WRNIP1: variants seen among roughly 807,000 people sequenced by gnomAD.
The protein encoded by WRNIP1 is WRN helicase interacting protein 1.
In WRNIP1, 41 loss-of-function variants were observed where a neutral mutation model predicts 56.1. The observed-to-expected ratio is 0.73, with a 90% confidence interval of 0.57 to 0.95. The LOEUF (loss-of-function observed/expected upper bound fraction) is 0.95, where lower values mean the gene tolerates loss of function less well. Ranked by LOEUF, WRNIP1 falls within the 40% of genes least tolerant of loss-of-function variation. The pLI is 0.00. For missense variants in WRNIP1, 1,170 were observed against 939.4 expected (o/e 1.25, Z -3.21); for synonymous variants, 547 against 398.1 (o/e 1.37, Z -4.45).
chr6:2,766,932 C>G (rs1314007744), intron 1 of WRNIP1, among the ~76,000 whole-genome samples: 1 of 152,134 alleles, frequency 6.6e-6, no homozygotes, highest in South Asian at 2.1e-4. Flanking sequence ...GTTTAACAGA[C>G]TGGTATTTAT....
At chr6:2,768,442 TAGGG>T (rs1294679093) in intron 1 of WRNIP1, among the ~76,000 whole-genome samples, 2 of 152,234 alleles carry the variant, frequency 1.3e-5, no homozygotes, top group Admixed American at 1.3e-4. Flanking sequence ...CAAAGGTGGT[TAGGG>T]ACAGAGGAGA....
At chr6:2,770,016 A>G in intron 2 of WRNIP1, 104 bp from the exon 3 acceptor site, 1 of 1,510,718 alleles carries the variant, frequency 6.6e-7, no homozygotes, top group Non-Finnish European at 9.0e-7. Context: ...TGAACTCGAA[A>G]GATAAAAATG....
chr6:2,783,653 T>TTTTTTGGGGGG, intron 5 of WRNIP1, 92 bp downstream of exon 5: 3 of 120,098 alleles, frequency 2.5e-5, no homozygotes, highest in Non-Finnish European at 3.4e-5. Flanking sequence ...TTTTTTTTTT[T>TTTTTTGGGGGG]GCAGGGCGGG....
intron 4 of WRNIP1, 141 bp downstream of exon 4, chr6:2,779,633 A>T: frequency 1.1e-6 from 1 of 891,108 alleles, no homozygotes; most frequent in South Asian, 1.7e-5. Flanking sequence ...GTGGATCTGC[A>T]TGTTGGTATT....
At chr6:2,766,730 TCTGC>T (rs1226503494) in intron 1 of WRNIP1, among the ~76,000 whole-genome samples, 1 of 152,222 alleles carries the variant, frequency 6.6e-6, no homozygotes, top group Non-Finnish European at 1.5e-5. Context: ...TTAGATTTGA[TCTGC>T]CTTTATCTTC....
chr6:2,767,299 T>TA (rs1357793678), intron 1 of WRNIP1, among the ~76,000 whole-genome samples: 1 of 152,202 alleles, frequency 6.6e-6, no homozygotes, highest in African/African-American at 2.4e-5. Flanking sequence ...CTTTTATCCA[T>TA]AATAAGGGAG....
At chr6:2,783,862 ATGAGC>A (rs1418874987) in intron 5 of WRNIP1, among the ~76,000 whole-genome samples, 4 of 152,094 alleles carry the variant, frequency 2.6e-5, no homozygotes, top group Non-Finnish European at 5.9e-5. Context: ...ATTGCAATAG[ATGAGC>A]TGCTTTTAAA....
intron 3 of WRNIP1, chr6:2,773,726 A>AATT (rs1765365280): frequency 2.0e-6 from 2 of 985,298 alleles, no homozygotes; most frequent in African/African-American, 3.5e-5. Context: ...GAAGGAATAT[A>AATT]GATTCCTAGG....
At chr6:2,784,263 A>G (rs1765654051) in intron 5 of WRNIP1, 61 bp from the exon 6 acceptor site, 5 of 1,540,630 alleles carry the variant, frequency 3.2e-6, no homozygotes, top group South Asian at 2.3e-5. Flanking sequence ...TCGCCTGCAC[A>G]TAGGCCAGGA....
rs941556883 is a variant in WRNIP1 at position 2,765,431 on chromosome 6, C to T, written c.-192C>T. Reference sequence around the variant, plus strand: ...CGCCGCGTGAGGCGCTGCCAGCGGCCGGCCGAGGGCGGGCGGACGCGGGAG... The same window carrying T: ...CGCCGCGTGAGGCGCTGCCAGCGGCTGGCCGAGGGCGGGCGGACGCGGGAG... On this transcript the variant is annotated 5_prime_UTR_variant, in exon 1 of 7. Transcript: ENST00000380773. The T allele has an allele frequency of 1.6e-5, 9 of 579,786 alleles. No individual in the cohort carries two copies. The highest frequency in any genetic ancestry group is 7.8e-5 in the South Asian group (1 of 12,774). The allele number at this position is 579,786 out of a possible 1,614,324, so 35.9% of individuals were successfully genotyped here. A position where few individuals can be genotyped will look rare whatever the true frequency, so the allele number is the denominator to read the frequency against.
At chr6:2,784,927 G>T in intron 6 of WRNIP1, 80 bp from the exon 7 acceptor site, 1 of 1,540,876 alleles carries the variant, frequency 6.5e-7, no homozygotes, top group Non-Finnish European at 8.8e-7. Flanking sequence ...GAATTACCTA[G>T]AGCTGTGTAT....
At chr6:2,783,844 T>C (rs553058131) in intron 5 of WRNIP1, among the ~76,000 whole-genome samples, 1 of 152,258 alleles carries the variant, frequency 6.6e-6, no homozygotes, top group Admixed American at 6.5e-5. Context: ...TGAGTGGCTA[T>C]TCAGAGTATT....
rs1358203723 is a variant in WRNIP1, at chr6:2,786,223, G to C, written c.*941G>C. 5 of 152,344 alleles carry C rather than the reference G, an allele frequency of 3.3e-5. No individual in the cohort carries two copies. Among genetic ancestry groups the C allele is most frequent in the African/African-American group, 1.2e-4 (5 of 41,440 alleles). The allele number at this position is 152,344 out of a possible 1,614,324, so 9.4% of individuals were successfully genotyped here. A position where few individuals can be genotyped will look rare whatever the true frequency, so the allele number is the denominator to read the frequency against. On this transcript the variant is annotated 3_prime_UTR_variant, in exon 7 of 7. Coordinates refer to ENST00000380773, the MANE Select transcript of WRNIP1 (RefSeq NM_020135.3). ...GCGTGATCCCTCCTGGGGTCCTCCT[G>C]CCATGTCTGGAAGGCTGCCGGCTGT...
intron 5 of WRNIP1, 140 bp downstream of exon 5, chr6:2,783,701 G>A: frequency 1.5e-6 from 1 of 685,034 alleles, no homozygotes. Flanking sequence ...TCAGGGCTAT[G>A]TGAGACTGGC....
chr6:2,783,534 C>T lies in WRNIP1; in HGVS notation c.1615C>T (p.Leu539Phe). Residue 539 changes from leucine to phenylalanine, a missense_variant, in exon 5 of 7, where the codon CTT (leucine) becomes TTT (phenylalanine). Coordinates refer to ENST00000380773, the MANE Select transcript of WRNIP1 (RefSeq NM_020135.3). ...GGACCCACTCTACGTGGCACGGAGGCTTGTCAGGTTTGCCAGCGAGGACAT... is the reference window on the plus strand; with the variant it reads ...GGACCCACTCTACGTGGCACGGAGGTTTGTCAGGTTTGCCAGCGAGGACAT... ...GEDPLYVARR[L>F]VRFASEDIGL... 1 of 1,611,788 alleles carries T rather than the reference C, an allele frequency of 6.2e-7. No homozygotes were observed. The highest frequency in any genetic ancestry group is 8.5e-7 in the Non-Finnish European group (1 of 1,179,066).
chr6:2,774,302 C>T, intron 3 of WRNIP1: 2 of 984,946 alleles, frequency 2.0e-6, no homozygotes, highest in African/African-American at 3.5e-5. Flanking sequence ...ACAATTGCCA[C>T]AAACTGGGTG....
rs765475984 is a variant in WRNIP1, at chr6:2,779,330, G to A, written c.1324G>A (p.Ala442Thr). The A allele has an allele frequency of 3.1e-6, 5 of 1,614,100 alleles. No homozygotes were observed. The East Asian group carries it at 8.9e-5, about 29-fold the overall frequency. ...LAYLSDGDAR[A>T]GLNGLQLAVL... is the part of the protein sequence containing the mutation. ...TTACCTCAGTGACGGTGACGCCCGAGCTGGGTTGAACGGACTGCAGCTGGC... is the reference window on the plus strand; with the variant it reads ...TTACCTCAGTGACGGTGACGCCCGAACTGGGTTGAACGGACTGCAGCTGGC... The change falls in exon 4 of 7, where the codon GCT becomes ACT. Residue 442 changes from alanine (A) to threonine (T), a missense_variant. By Grantham distance (58) the Ala-to-Thr change is moderately conservative. Coordinates refer to ENST00000380773, the MANE Select transcript of WRNIP1 (RefSeq NM_020135.3).
At chr6:2,768,997 G>A in intron 2 of WRNIP1, 115 bp downstream of exon 2, 1 of 1,048,216 alleles carries the variant, frequency 9.5e-7, no homozygotes, top group African/African-American at 1.6e-5. Flanking sequence ...AGAAGCGTAG[G>A]CTTGTGAACC....
At chr6:2,773,623 A>T (rs1347357372) in intron 3 of WRNIP1, 7 of 985,282 alleles carry the variant, frequency 7.1e-6, no homozygotes, top group Non-Finnish European at 8.4e-6. Context: ...CAGGAAAAAA[A>T]TGTCCATGAT....
Sources: allele counts gnomAD v4.1 joint callset (sites outside exome capture counted in the v4.1 genomes callset), GRCh38; gene constraint gnomAD v4.1.1; transcripts MANE v1.5; gene names NCBI Gene and HGNC (gene_info 2026-07-23, HGNC 2026-07-21).